The following ANKRD30BL variants were observed in gnomAD, a reference collection of about 807,000 sequenced individuals.
ANKRD30BL encodes the protein putative ankyrin repeat domain-containing protein 30B-like.
A neutral mutation model predicts 18.4 loss-of-function variants in ANKRD30BL; 20 were observed. The observed-to-expected ratio is 1.09, with a 90% CI of 0.77 to 1.58. The LOEUF is 1.58. Ranked by LOEUF, ANKRD30BL falls within the 40% of genes most tolerant of loss-of-function variation. The pLI is 0.00. For missense variants in ANKRD30BL, 224 were observed against 268.6 expected, an observed-to-expected ratio of 0.83 and a Z score of 1.16; for synonymous variants, 72 against 100.9, an observed-to-expected ratio of 0.71 and a Z score of 1.72.
intron 1 of ANKRD30BL, among the ~76,000 whole-genome samples, chr2:132,238,349 T>C (rs1252968604): frequency 1.3e-5 from 2 of 151,962 alleles, no homozygotes; most frequent in Non-Finnish European, 2.9e-5. Context: ...TTGTGACGTG[T>C]GCATTCAACT....
chr2:132,205,132 A>T (rs996405076), intron 1 of ANKRD30BL, among the ~76,000 whole-genome samples: 1 of 152,170 alleles, frequency 6.6e-6, no homozygotes, highest in Non-Finnish European at 1.5e-5. Context: ...TTACATACAC[A>T]TTCTGAAGTA....
intron 1 of ANKRD30BL, among the ~76,000 whole-genome samples, chr2:132,231,053 G>T (rs984442778): frequency 2.0e-5 from 3 of 151,938 alleles, no homozygotes; most frequent in African/African-American, 7.3e-5. Flanking sequence ...AAGTAAGGGA[G>T]TTGAACCTTT....
At chr2:132,202,489 G>C (rs1197890069) in intron 1 of ANKRD30BL, among the ~76,000 whole-genome samples, 9 of 150,158 alleles carry the variant, frequency 6.0e-5, no homozygotes, top group Admixed American at 4.6e-4. Context: ...AAAAAATCAA[G>C]TAATTTTAAT....
chr2:132,149,364 A>G (rs1687696533), intron 5 of ANKRD30BL, among the ~76,000 whole-genome samples: 1 of 152,232 alleles, frequency 6.6e-6, no homozygotes, highest in Admixed American at 6.5e-5. Flanking sequence ...ATAGAACAAC[A>G]CATCTTGTTC....
intron 1 of ANKRD30BL, among the ~76,000 whole-genome samples, chr2:132,172,716 T>G (rs1465856701): frequency 6.6e-6 from 1 of 152,030 alleles, no homozygotes; most frequent in Non-Finnish European, 1.5e-5. Flanking sequence ...GGTGACTTTT[T>G]TTTTTTTTTG....
At chr2:132,187,970 G>C (rs921825436) in intron 1 of ANKRD30BL, among the ~76,000 whole-genome samples, 5 of 151,974 alleles carry the variant, frequency 3.3e-5, no homozygotes, top group Non-Finnish European at 5.9e-5. Context: ...GGCTGGTCTC[G>C]AACTAACCTC....
Position 132,161,880 on chromosome 2 carries a change from A to C in ANKRD30BL, c.-175T>G. 2 of 598,298 alleles carry C rather than the reference A, an allele frequency of 3.3e-6. No homozygotes were observed. The highest frequency in any genetic ancestry group is 5.6e-5 in the East Asian group (2 of 35,514). 37.1% of individuals were successfully genotyped at this position (598,298 alleles called of 1,614,324 possible). A position where few individuals can be genotyped will look rare whatever the true frequency, so the allele number is the denominator to read the frequency against. On this transcript the variant is annotated 5_prime_UTR_variant, in exon 1 of 6. Transcript: ENST00000409867. ...CTCTCCCGGGAGAAAATGGCTGCGC[A>C]AAACCGTTAGGCAGCTGAGCAGAAC...
chr2:132,201,811 T>C (rs1284358387), intron 1 of ANKRD30BL, among the ~76,000 whole-genome samples: 3 of 152,192 alleles, frequency 2.0e-5, no homozygotes, highest in African/African-American at 7.2e-5. Flanking sequence ...CAAAGGACTA[T>C]AAATCATGCA....
chr2:132,175,191 T>A (rs1430445122), intron 1 of ANKRD30BL, among the ~76,000 whole-genome samples: 5 of 121,906 alleles, frequency 4.1e-5, no homozygotes, highest in African/African-American at 1.6e-4. Context: ...CTGAGTTCCC[T>A]CAGTTTTTAT....
At chr2:132,225,209 G>A (rs62165559) in intron 1 of ANKRD30BL, among the ~76,000 whole-genome samples, 3 of 151,144 alleles carry the variant, frequency 2.0e-5, no homozygotes, top group Admixed American at 6.6e-5. Context: ...TGTGCATTCA[G>A]CTCACAGAGT....
intron 1 of ANKRD30BL, among the ~76,000 whole-genome samples, chr2:132,229,409 A>C (rs1215115827): frequency 1.3e-5 from 2 of 152,176 alleles, no homozygotes; most frequent in Admixed American, 1.3e-4. Flanking sequence ...GCAAGTGGAC[A>C]TTTGGAGCAC....
At chr2:132,233,070 A>C (rs1409190492) in intron 1 of ANKRD30BL, among the ~76,000 whole-genome samples, 12 of 152,086 alleles carry the variant, frequency 7.9e-5, no homozygotes, top group Admixed American at 6.6e-4. Context: ...CCAGAATTTC[A>C]TATCCAGCCA....
intron 1 of ANKRD30BL, among the ~76,000 whole-genome samples, chr2:132,193,871 G>A (rs920490265): frequency 2.6e-5 from 4 of 151,378 alleles, no homozygotes; most frequent in African/African-American, 9.7e-5. Flanking sequence ...TGGAAGGCAG[G>A]CAAGTCCTGC....
intron 1 of ANKRD30BL, among the ~76,000 whole-genome samples, chr2:132,200,949 A>G (rs1679085360): frequency 1.3e-5 from 2 of 152,228 alleles, no homozygotes; most frequent in Admixed American, 6.5e-5. Context: ...AAACAGAGAT[A>G]TAGATCAATG....
At chr2:132,190,486 G>C (rs1678824974) in intron 1 of ANKRD30BL, among the ~76,000 whole-genome samples, 1 of 151,420 alleles carries the variant, frequency 6.6e-6, no homozygotes, top group Non-Finnish European at 1.5e-5. Context: ...TTCCAGGATA[G>C]AGTCATAGTA....
chr2:132,172,240 G>C (rs1688295446), intron 1 of ANKRD30BL, among the ~76,000 whole-genome samples: 1 of 152,102 alleles, frequency 6.6e-6, no homozygotes, highest in Non-Finnish European at 1.5e-5. Flanking sequence ...ATGTATATAG[G>C]CATAGAATTG....
chr2:132,198,308 CTT>C (rs1558928525), intron 1 of ANKRD30BL, among the ~76,000 whole-genome samples: 1 of 12,618 alleles, frequency 7.9e-5, no homozygotes, highest in East Asian at 2.4e-3. Flanking sequence ...TTCTTTCTTT[CTT>C]TCTTTCTTTC....
At chr2:132,172,099 G>C (rs1213176154) in intron 1 of ANKRD30BL, among the ~76,000 whole-genome samples, 3 of 152,192 alleles carry the variant, frequency 2.0e-5, no homozygotes, top group Admixed American at 6.5e-5. Flanking sequence ...TGAATATGGT[G>C]TATTTTGTTT....
chr2:132,215,754 C>T (rs1162985429), intron 1 of ANKRD30BL, among the ~76,000 whole-genome samples: 4 of 151,976 alleles, frequency 2.6e-5, no homozygotes, highest in Non-Finnish European at 5.9e-5. Context: ...GTGCATTCAT[C>T]TCAGAGAGTT....
Sources: gnomAD v4.1 joint callset for allele counts (sites outside exome capture counted in the v4.1 genomes callset) on GRCh38, gnomAD v4.1.1 for gene constraint, MANE v1.5 for transcripts, NCBI Gene and HGNC (gene_info 2026-07-23, HGNC 2026-07-21) for gene names.